The following ERC1 variants were observed in gnomAD, a reference collection of about 807,000 sequenced individuals.
The protein encoded by ERC1 is ELKS/RAB6-interacting/CAST family member 1, also known as RAB6 interacting protein 2.
ERC1 carries 56 observed loss-of-function variants against 132.0 expected under a neutral mutation model. The observed-to-expected ratio is 0.42, with a 90% CI of 0.34 to 0.53. The LOEUF (loss-of-function observed/expected upper bound fraction) is 0.53, where lower values mean the gene tolerates loss of function less well. Among genes scored for constraint, ERC1 ranks in the 20% least tolerant of loss-of-function variants. The pLI, the probability that ERC1 is intolerant of heterozygous loss-of-function variation, is 0.03. For synonymous variants in ERC1, 478 were observed against 476.1 expected (o/e 1.00, Z -0.05); for missense variants, 1,202 against 1,349.9 (o/e 0.89, Z 1.72).
chr12:1,007,483 TCTCTCTCTCTTTCTCTCTCTCTCA>T (rs1565768574), intron 1 of ERC1, among the ~76,000 whole-genome samples: 1 of 147,728 alleles, frequency 6.8e-6, no homozygotes, highest in African/African-American at 2.6e-5. Flanking sequence ...TCTCTCTCTC[TCTCTCTCTCTTTCTCTCTCTCTCA>T]CTGGGTAATT....
intron 15 of ERC1, among the ~76,000 whole-genome samples, chr12:1,335,134 C>T (rs756100524): frequency 2.0e-5 from 3 of 152,248 alleles, no homozygotes; most frequent in South Asian, 2.1e-4. Flanking sequence ...TGGACCAAGA[C>T]GATGGGGTTT....
intron 16 of ERC1, among the ~76,000 whole-genome samples, chr12:1,383,370 G>A (rs867482815): frequency 1.3e-5 from 2 of 152,016 alleles, no homozygotes; most frequent in Admixed American, 6.6e-5. Context: ...TCCCTCCTCC[G>A]TTAAACTTCT....
At chr12:1,383,038 C>T (rs1264182694) in intron 16 of ERC1, among the ~76,000 whole-genome samples, 1 of 152,096 alleles carries the variant, frequency 6.6e-6, no homozygotes, top group Non-Finnish European at 1.5e-5. Context: ...TAGGAAAATC[C>T]CTCACAACAA....
At chr12:1,144,613 G>GGTATATATATATATATATATACGTGT (rs1566075103) in intron 8 of ERC1, among the ~76,000 whole-genome samples, 1 of 126,252 alleles carries the variant, frequency 7.9e-6, no homozygotes, top group African/African-American at 4.1e-5. Context: ...AGAATTTTGT[G>GGTATATATATATATATATATACGTGT]GTATATATAT....
chr12:1,326,668 G>A (rs2082466196), intron 15 of ERC1, among the ~76,000 whole-genome samples: 1 of 151,312 alleles, frequency 6.6e-6, no homozygotes, highest in South Asian at 2.1e-4. Flanking sequence ...TTGCTTGTAA[G>A]GGCAAATGTT....
intron 2 of ERC1, among the ~76,000 whole-genome samples, chr12:1,043,071 C>T (rs1970529055): frequency 6.8e-6 from 1 of 146,460 alleles, no homozygotes; most frequent in East Asian, 2.0e-4. Flanking sequence ...TTAGACAGAG[C>T]CTTGCTCTCT....
chr12:1,245,179 G>A (rs10491954), intron 13 of ERC1, among the ~76,000 whole-genome samples: 37,236 of 152,040 alleles, frequency 0.24, 4,806 homozygotes, highest in Middle Eastern at 0.29. Flanking sequence ...TGATCATCTC[G>A]AGAAATTGGA....
At chr12:1,262,163 C>T (rs1566419476) in intron 13 of ERC1, among the ~76,000 whole-genome samples, 1 of 152,174 alleles carries the variant, frequency 6.6e-6, no homozygotes, top group Admixed American at 6.5e-5. Context: ...TAAAAGGAAG[C>T]ACTTTATTCT....
intron 2 of ERC1, among the ~76,000 whole-genome samples, chr12:1,062,245 G>A (rs888688053): frequency 3.3e-5 from 5 of 152,086 alleles, no homozygotes; most frequent in African/African-American, 7.2e-5. Context: ...GGCCCCCGAA[G>A]TGCTGGGATT....
At chr12:1,283,388 G>A (rs1026777777) in intron 14 of ERC1, among the ~76,000 whole-genome samples, 5 of 152,110 alleles carry the variant, frequency 3.3e-5, no homozygotes, top group Admixed American at 6.5e-5. Context: ...CTACTCATCG[G>A]TCTTTACCCT....
chr12:1,027,351 T>A (rs1306527610), intron 1 of ERC1: 1 of 152,344 alleles, frequency 6.6e-6, no homozygotes, highest in East Asian at 1.9e-4. Context: ...AATCTTTTCC[T>A]TGTCAATCTT....
chr12:1,163,535 C>T (rs1593855868), intron 8 of ERC1, among the ~76,000 whole-genome samples: 1 of 152,034 alleles, frequency 6.6e-6, no homozygotes. Flanking sequence ...TTTTATTTTG[C>T]TTATTTATTT....
chr12:1,233,090 A>G (rs1270228678), intron 12 of ERC1, among the ~76,000 whole-genome samples: 1 of 152,164 alleles, frequency 6.6e-6, no homozygotes, highest in African/African-American at 2.4e-5. Flanking sequence ...ATTAGGTGAA[A>G]GGTTGATAAA....
chr12:1,121,781 C>A (rs1246749220), intron 7 of ERC1, among the ~76,000 whole-genome samples: 12 of 6,734 alleles, frequency 1.8e-3, no homozygotes, highest in African/African-American at 2.2e-3. Flanking sequence ...CTATCTCTAT[C>A]TATCTCTATC....
rs544620825 is a variant in ERC1 at position 1,258,217 on chromosome 12, A to T, written c.2488-4817A>T. On this transcript the variant is annotated intron_variant, in intron 13 of 18. Transcript: ENST00000360905. The stretch of plus-strand genomic sequence containing the variant: ...ACTTCCTAATTTCCAGATGCTTCAG[A>T]TCCTTCAAACCTAAGGAATATAGGG... Among the ~76,000 whole-genome samples, 91 of 152,288 alleles carry T rather than the reference A, an allele frequency of 6.0e-4. 1 individual carries two copies. Among genetic ancestry groups the T allele is most frequent in the African/African-American group, 2.1e-3 (87 of 41,562 alleles).
At chr12:1,057,133 TTTTG>T (rs1252369031) in intron 2 of ERC1, among the ~76,000 whole-genome samples, 15 of 152,138 alleles carry the variant, frequency 9.9e-5, no homozygotes, top group South Asian at 4.1e-4. Flanking sequence ...TTTAGTGTTT[TTTTG>T]TTTGTTTGTT....
intron 18 of ERC1, among the ~76,000 whole-genome samples, chr12:1,482,189 G>A (rs371542505): frequency 3.9e-5 from 6 of 152,228 alleles, no homozygotes; most frequent in East Asian, 3.9e-4. Context: ...AAGATCCGGC[G>A]ATTCCTGTGC....
chr12:1,013,671 G>A (rs1965049940), intron 1 of ERC1, among the ~76,000 whole-genome samples: 1 of 152,198 alleles, frequency 6.6e-6, no homozygotes, highest in Non-Finnish European at 1.5e-5. Flanking sequence ...TACATGCTGA[G>A]TGTAGAGGCA....
At chr12:1,419,706 A>G (rs552591542) in intron 17 of ERC1, among the ~76,000 whole-genome samples, 6 of 152,010 alleles carry the variant, frequency 3.9e-5, no homozygotes, top group Non-Finnish European at 8.8e-5. Context: ...TTGCAAGATG[A>G]AAAAGTTCTG....
Sources: allele counts gnomAD v4.1 joint callset (sites outside exome capture counted in the v4.1 genomes callset), GRCh38; gene constraint gnomAD v4.1.1; transcripts MANE v1.5; gene names NCBI Gene and HGNC (gene_info 2026-07-23, HGNC 2026-07-21).